ANK3: variants seen among roughly 807,000 people sequenced by gnomAD.
ANK3 encodes ankyrin 3.
ANK3 carries 57 observed loss-of-function variants against 370.9 expected under a neutral mutation model. That is an observed-to-expected ratio of 0.15 (90% CI 0.12 to 0.19). The LOEUF (loss-of-function observed/expected upper bound fraction) is 0.19. ANK3 is among the 10% of genes least tolerant of loss of function. The probability of loss-of-function intolerance (pLI) is 1.00; values close to 1 mark genes in which losing one functional copy is unlikely to be tolerated. For synonymous variants in ANK3, 1,929 were observed against 1,946.3 expected (o/e 0.99, Z 0.23); for missense variants, 4,439 against 5,302.1 (o/e 0.84, Z 5.06).
At chr10:60,199,498 C>T (rs945944081) in intron 13 of ANK3, among the ~76,000 whole-genome samples, 1 of 152,156 alleles carries the variant, frequency 6.6e-6, no homozygotes, top group African/African-American at 2.4e-5. Context: ...CCACCCCTTA[C>T]TTGAAACTAG....
intron 2 of ANK3, among the ~76,000 whole-genome samples, chr10:60,395,286 G>A (rs998046545): frequency 6.6e-6 from 1 of 152,152 alleles, no homozygotes; most frequent in African/African-American, 2.4e-5. Flanking sequence ...ATTGATTCAT[G>A]TTGAAATAAT....
chr10:60,293,715 C>A (rs767614023), intron 1 of ANK3, among the ~76,000 whole-genome samples: 3 of 152,170 alleles, frequency 2.0e-5, no homozygotes, highest in Non-Finnish European at 2.9e-5. Context: ...TAGTATTATG[C>A]AGTTAAAATC....
At chr10:60,384,458 G>A (rs982001597) in intron 1 of ANK3, among the ~76,000 whole-genome samples, 13 of 152,144 alleles carry the variant, frequency 8.5e-5, no homozygotes, top group African/African-American at 2.9e-4. Flanking sequence ...AGCCCACTTT[G>A]ATGTGTAGCT....
chr10:60,300,300 A>G, intron 1 of ANK3: 1 of 1,216,944 alleles, frequency 8.2e-7, no homozygotes, highest in African/African-American at 1.5e-5. Context: ...CATTTCATTT[A>G]GGAGCTGTAA....
chr10:60,603,166 A>C (rs778783331), intron 2 of ANK3, among the ~76,000 whole-genome samples: 11 of 152,148 alleles, frequency 7.2e-5, no homozygotes, highest in Non-Finnish European at 1.6e-4. Context: ...CCACTTTTCT[A>C]TGAATAACTC....
rs142545260 is a variant in ANK3 at position 60,690,458 on chromosome 10, C to A, written c.57+42805G>T. 3.9e-4 allele frequency among the ~76,000 whole-genome samples: 59 copies of A among 152,202 alleles called. 1 individual carries two copies. In the East Asian group the frequency reaches 0.01, roughly 26 times the overall value. On this transcript the variant is annotated intron_variant, in intron 1 of 43. Coordinates refer to the ANK3 transcript ENST00000373827. ...AAAGTAGTTCTTATTTGTACTGTTA[C>A]AGAAAATAGTATAATTTATTGAATT...
Position 60,228,952 on chromosome 10 carries a change from T to C in ANK3, c.897+5736A>G, listed in dbSNP as rs545760792. The stretch of plus-strand genomic sequence containing the variant: ...GCAACAACAATTGTGATTTTTGCCA[T>C]AATACTTTTAGATCTCTAATTTGGC... On this transcript the variant is annotated intron_variant, in intron 8 of 43. Transcript: ENST00000280772. 1.0e-3 allele frequency among the ~76,000 whole-genome samples: 152 copies of C among 152,318 alleles called. 1 individual carries two copies. The highest frequency in any genetic ancestry group is 3.5e-3 in the African/African-American group (145 of 41,564).
chr10:60,351,303 C>A (rs1387035905), intron 1 of ANK3, among the ~76,000 whole-genome samples: 1 of 152,118 alleles, frequency 6.6e-6, no homozygotes, highest in Non-Finnish European at 1.5e-5. Context: ...AATAAAACAA[C>A]AAGGGGTAAA....
At chr10:60,547,368 G>A (rs2076988844) in intron 2 of ANK3, among the ~76,000 whole-genome samples, 1 of 151,994 alleles carries the variant, frequency 6.6e-6, no homozygotes, top group Non-Finnish European at 1.5e-5. Context: ...TGGGATTACA[G>A]GCGTGAGCCA....
chr10:60,733,157 A>T, intron 1 of ANK3: 1 of 955,792 alleles, frequency 1.0e-6, no homozygotes, highest in Non-Finnish European at 1.4e-6. Context: ...CACCCCCAGG[A>T]GGGCAGGACT....
chr10:60,471,832 G>A (rs2065226754), intron 2 of ANK3, among the ~76,000 whole-genome samples: 1 of 152,004 alleles, frequency 6.6e-6, no homozygotes, highest in African/African-American at 2.4e-5. Context: ...AAAGGAACAA[G>A]CTGAGATGAA....
intron 2 of ANK3, among the ~76,000 whole-genome samples, chr10:60,499,219 G>T (rs1199947941): frequency 6.6e-6 from 1 of 152,080 alleles, no homozygotes; most frequent in East Asian, 1.9e-4. Flanking sequence ...TTCCTCAAAA[G>T]GGTCATGAAT....
At chr10:60,518,119 G>C (rs559278822) in intron 2 of ANK3, among the ~76,000 whole-genome samples, 10 of 146,510 alleles carry the variant, frequency 6.8e-5, no homozygotes, top group African/African-American at 2.5e-4. Context: ...AGGTTGGCAT[G>C]GCTAAAACTT....
intron 2 of ANK3, among the ~76,000 whole-genome samples, chr10:60,429,167 G>A (rs1360266262): frequency 6.6e-6 from 1 of 152,132 alleles, no homozygotes; most frequent in African/African-American, 2.4e-5. Flanking sequence ...ACATGGTTTT[G>A]AAGTTATGAT....
rs1465425152 is a variant in ANK3 at position 60,070,962 on chromosome 10, G to T, written c.9919C>A (p.Pro3307Thr). 6.2e-7 allele frequency: 1 copy of T among 1,614,002 alleles called. No individual in the cohort carries two copies. The highest frequency in any genetic ancestry group is 8.5e-7 in the Non-Finnish European group (1 of 1,180,010). Reference protein sequence around the residue: ...EPVIRVQPPSPVPPGADVSDS... With the variant: ...EPVIRVQPPSTVPPGADVSDS... ...CTGACGTCTGCCCCGGGAGGAACTG[G>T]TGAAGGTGGCTGCACTCTAATGACA... The change falls in exon 37 of 44, where the codon CCA (proline) becomes ACA (threonine). Residue 3307 changes from proline (P) to threonine (T), a missense_variant. Pro to Thr is a conservative substitution (Grantham distance 38). Around this residue, in one of 13 missense-constraint regions of ANK3, gnomAD observed 1,601 missense variants for 1,731.7 expected, o/e 0.92. Transcript: ENST00000280772. The surrounding 1 kb of genome is among the most constrained non-coding windows in gnomAD (Gnocchi z 5.7).
chr10:60,273,354 T>G (rs901984552), intron 4 of ANK3, among the ~76,000 whole-genome samples: 1 of 152,208 alleles, frequency 6.6e-6, no homozygotes, highest in African/African-American at 2.4e-5. Flanking sequence ...AATATATAAT[T>G]TGCATATCAT....
intron 12 of ANK3, among the ~76,000 whole-genome samples, chr10:60,202,342 C>T (rs1023289642): frequency 6.6e-6 from 1 of 150,714 alleles, no homozygotes. Flanking sequence ...AGGCTGGTCT[C>T]GAACTCCCAA....
At chr10:60,118,130 A>G (rs1046762092) in intron 25 of ANK3, among the ~76,000 whole-genome samples, 4 of 152,238 alleles carry the variant, frequency 2.6e-5, no homozygotes, top group African/African-American at 9.6e-5. Flanking sequence ...TCTGGAAAGC[A>G]GAACTTGGGG....
At chr10:60,194,641 T>C (rs758541581) in intron 16 of ANK3, among the ~76,000 whole-genome samples, 11 of 152,254 alleles carry the variant, frequency 7.2e-5, no homozygotes, top group Admixed American at 2.0e-4. Context: ...AGTGAGTATA[T>C]GCATTCATCC....
Sources: allele counts gnomAD v4.1 joint callset (sites outside exome capture counted in the v4.1 genomes callset), GRCh38; gene constraint gnomAD v4.1.1; regional missense constraint gnomAD v4.1.1; non-coding constraint Gnocchi (gnomAD v3.1); transcripts MANE v1.5; gene names NCBI Gene and HGNC (gene_info 2026-07-23, HGNC 2026-07-21).